The following GABRB2 variants were observed in gnomAD, a reference collection of about 807,000 sequenced individuals.
The protein encoded by GABRB2 is gamma-aminobutyric acid type A receptor subunit beta2.
In GABRB2, 16 loss-of-function variants were observed where a neutral mutation model predicts 54.7. The ratio of observed to expected loss-of-function variants is 0.29; its 90% CI spans 0.20 to 0.44. The LOEUF is 0.44. Ranked by LOEUF, GABRB2 falls within the 20% of genes least tolerant of loss-of-function variation. GABRB2 has a pLI of 1.00. For missense variants in GABRB2, 355 were observed against 644.0 expected, an observed-to-expected ratio of 0.55 and a Z score of 4.86; for synonymous variants, 244 against 233.8, an observed-to-expected ratio of 1.04 and a Z score of -0.40.
chr5:161,485,184 C>T (rs1454261566), intron 3 of GABRB2, among the ~76,000 whole-genome samples: 1 of 151,948 alleles, frequency 6.6e-6, no homozygotes, highest in African/African-American at 2.4e-5. Context: ...ATCCTCTACC[C>T]CTGCATCCTA....
intron 3 of GABRB2, among the ~76,000 whole-genome samples, chr5:161,481,670 T>C (rs1758766957): frequency 6.6e-6 from 1 of 152,034 alleles, no homozygotes; most frequent in African/African-American, 2.4e-5. Flanking sequence ...ATTAACCATG[T>C]TTAGCTTTAA....
At chr5:161,401,579 A>G (rs1756192841) in intron 5 of GABRB2, among the ~76,000 whole-genome samples, 1 of 152,214 alleles carries the variant, frequency 6.6e-6, no homozygotes, top group Non-Finnish European at 1.5e-5. Flanking sequence ...CTTGTACAAT[A>G]ATTGTAATGC....
Position 161,429,488 on chromosome 5 carries a change from T to C in GABRB2, c.459-18431A>G, listed in dbSNP as rs115199972. Among the ~76,000 whole-genome samples the C allele has an allele frequency of 2.7e-3, 404 of 151,984 alleles. 3 individuals carry two copies. The highest frequency in any genetic ancestry group is 9.5e-3 in the African/African-American group (393 of 41,458). On this transcript the variant is annotated intron_variant, in intron 4 of 9. Transcript: ENST00000393959. ...ATATACCAGATTTTGCTAGATACAG[T>C]GTTTAGCCTGGAGGGATAACCAGTC...
intron 5 of GABRB2, among the ~76,000 whole-genome samples, chr5:161,389,859 G>C (rs933818733): frequency 6.6e-6 from 1 of 151,810 alleles, no homozygotes; most frequent in Non-Finnish European, 1.5e-5. Context: ...GAGTAAACAG[G>C]ATGGCTTTTG....
chr5:161,331,881 G>A (rs1055054968), intron 7 of GABRB2, among the ~76,000 whole-genome samples: 24 of 152,042 alleles, frequency 1.6e-4, no homozygotes, highest in Non-Finnish European at 3.4e-4. Context: ...AAGAATGCCA[G>A]TTGGCCGGGC....
intron 3 of GABRB2, among the ~76,000 whole-genome samples, chr5:161,492,788 T>A (rs1387369635): frequency 6.6e-6 from 1 of 151,760 alleles, no homozygotes; most frequent in Non-Finnish European, 1.5e-5. Flanking sequence ...CTGCACATGT[T>A]TAGCTCCACA....
intron 5 of GABRB2, among the ~76,000 whole-genome samples, chr5:161,339,129 A>C (rs1046066774): frequency 6.6e-6 from 1 of 152,152 alleles, no homozygotes; most frequent in Non-Finnish European, 1.5e-5. Context: ...GTTCAAAATA[A>C]CAAAATGACT....
intron 3 of GABRB2, among the ~76,000 whole-genome samples, chr5:161,531,157 G>A (rs113102481): frequency 1.3e-5 from 2 of 152,236 alleles, no homozygotes; most frequent in African/African-American, 4.8e-5. Flanking sequence ...ATGGTGATTA[G>A]ATTTTACAAC....
At chr5:161,463,769 C>A (rs1362021470) in intron 3 of GABRB2, among the ~76,000 whole-genome samples, 1 of 149,804 alleles carries the variant, frequency 6.7e-6, no homozygotes, top group Non-Finnish European at 1.5e-5. Flanking sequence ...AAAAGTAAAC[C>A]CATGCACCAA....
chr5:161,502,003 T>C (rs1581038565), intron 3 of GABRB2, among the ~76,000 whole-genome samples: 2 of 148,870 alleles, frequency 1.3e-5, no homozygotes. Context: ...AATTACTTCA[T>C]GAATTTATTT....
At chr5:161,365,635 T>C (rs1043253856) in intron 5 of GABRB2, among the ~76,000 whole-genome samples, 11 of 152,318 alleles carry the variant, frequency 7.2e-5, no homozygotes, top group East Asian at 5.8e-4. Flanking sequence ...ATAATTGTTA[T>C]GTAGTTTTGC....
chr5:161,317,583 T>A (rs1033110722), intron 9 of GABRB2, among the ~76,000 whole-genome samples: 27 of 152,310 alleles, frequency 1.8e-4, no homozygotes, highest in African/African-American at 6.5e-4. Flanking sequence ...TAGAAGAGCA[T>A]ATGCTTAACC....
chr5:161,309,487 C>T (rs1219290149), intron 9 of GABRB2, among the ~76,000 whole-genome samples: 1 of 152,102 alleles, frequency 6.6e-6, no homozygotes, highest in African/African-American at 2.4e-5. Flanking sequence ...TATCACTTGA[C>T]CCAGCAATCC....
chr5:161,397,947 G>T (rs1321167060), intron 5 of GABRB2, among the ~76,000 whole-genome samples: 1 of 151,982 alleles, frequency 6.6e-6, no homozygotes, highest in African/African-American at 2.4e-5. Context: ...ACCACAATGA[G>T]AAAATGAACA....
At chr5:161,482,345 T>C (rs1233594036) in intron 3 of GABRB2, among the ~76,000 whole-genome samples, 1 of 152,100 alleles carries the variant, frequency 6.6e-6, no homozygotes, top group Non-Finnish European at 1.5e-5. Flanking sequence ...GGGGTGATTC[T>C]TGATTGAAAG....
chr5:161,392,590 A>G (rs938159254), intron 5 of GABRB2, among the ~76,000 whole-genome samples: 1 of 152,182 alleles, frequency 6.6e-6, no homozygotes, highest in African/African-American at 2.4e-5. Flanking sequence ...AACCTTGGGC[A>G]TGTTGTTTAA....
rs568487662 is a variant in GABRB2 at position 161,467,783 on chromosome 5, A to T, written c.238-7939T>A. ...ATAATATCAAAATGAGGCCTAAGTC[A>T]TATAGTATGTACATTCTCAACATCA... On this transcript the variant is annotated intron_variant, in intron 3 of 9. Transcript: ENST00000393959. 3.5e-4 allele frequency among the ~76,000 whole-genome samples: 54 copies of T among 152,212 alleles called. No individual in the cohort carries two copies. The South Asian group carries it at 0.011, about 30-fold the overall frequency.
chr5:161,348,641 A>G (rs1471421919), intron 5 of GABRB2, among the ~76,000 whole-genome samples: 1 of 152,078 alleles, frequency 6.6e-6, no homozygotes, highest in Non-Finnish European at 1.5e-5. Context: ...TCTATAATCT[A>G]AAATCCTGTG....
At chr5:161,459,580 A>AT in intron 4 of GABRB2, 44 bp downstream of exon 4, 1 of 1,477,942 alleles carries the variant, frequency 6.8e-7, no homozygotes, top group Non-Finnish European at 9.4e-7. Context: ...ATTAACAGCT[A>AT]TTTTGTTCAG....
Sources: gnomAD v4.1 joint callset for allele counts (sites outside exome capture counted in the v4.1 genomes callset) on GRCh38, gnomAD v4.1.1 for gene constraint, MANE v1.5 for transcripts, NCBI Gene and HGNC (gene_info 2026-07-23, HGNC 2026-07-21) for gene names.